The following FGF4 variants were observed in gnomAD, a reference collection of about 807,000 sequenced individuals.
FGF4 encodes the protein fibroblast growth factor 4, also known as heparin secretory transforming protein 1.
Under a neutral mutation model 15.7 loss-of-function variants are expected in FGF4, and 9 were observed. The observed-to-expected ratio is 0.57, with a 90% CI of 0.35 to 1.00. The LOEUF (loss-of-function observed/expected upper bound fraction) is 1.00. Among genes scored for constraint, FGF4 ranks in the 50% least tolerant of loss-of-function variants. The pLI, the probability that FGF4 is intolerant of heterozygous loss-of-function variation, is 0.02. For missense variants in FGF4, 286 were observed against 297.3 expected (o/e 0.96, Z 0.28); for synonymous variants, 164 against 144.8 (o/e 1.13, Z -0.95).
In FGF4 at chr11:69,775,073, G is replaced by T; in HGVS notation, c.12C>A (p.Pro4=). 1.5e-6 allele frequency: 2 copies of T among 1,334,890 alleles called. No homozygotes were observed. Among genetic ancestry groups the T allele is most frequent in the Non-Finnish European group, 1.9e-6 (2 of 1,052,504 alleles). 82.7% of individuals were successfully genotyped at this position (1,334,890 alleles called of 1,614,324 possible). MSG[P]GTAAVALLPA... ...GGAGCAGCGCTACCGCGGCCGTCCC[G>T]GGCCCCGACATCCCGGCCCGAGGGC... is the stretch of plus-strand genomic sequence containing the variant. Residue 4 remains proline (P), a synonymous_variant, in exon 1 of 3, where the codon CCC becomes CCA. Coordinates refer to ENST00000168712, the MANE Select transcript of FGF4 (RefSeq NM_002007.4).
chr11:69,772,069 A>ACC lies in FGF4; in HGVS notation c.*1238_*1239dup, dbSNP rs1855577591. ...GTCTGCAAATATTTTCACCATGATC[A>ACC]CCCTTACTAAAAGTAAATCACAGGG... On this transcript the variant is annotated 3_prime_UTR_variant, in exon 3 of 3. Coordinates refer to ENST00000168712, the MANE Select transcript of FGF4 (RefSeq NM_002007.4). The ACC allele has an allele frequency of 6.6e-6, 1 of 152,142 alleles. No homozygotes were observed. Among genetic ancestry groups the ACC allele is most frequent in the South Asian group, 2.1e-4 (1 of 4,826 alleles). 9.4% of individuals were successfully genotyped at this position (152,142 alleles called of 1,614,324 possible).
In FGF4 at chr11:69,772,070, C is replaced by A. The variant is rs1463337523; in HGVS notation, c.*1239G>T. 1 of 152,146 alleles carries A rather than the reference C, an allele frequency of 6.6e-6. No individual in the cohort carries two copies. The highest frequency in any genetic ancestry group is 6.5e-5 in the Admixed American group (1 of 15,278). The allele number at this position is 152,146 out of a possible 1,614,324, so 9.4% of individuals were successfully genotyped here. On this transcript the variant is annotated 3_prime_UTR_variant, in exon 3 of 3. Coordinates refer to ENST00000168712, the MANE Select transcript of FGF4 (RefSeq NM_002007.4). ...TCTGCAAATATTTTCACCATGATCA[C>A]CCTTACTAAAAGTAAATCACAGGGT...
Position 69,773,494 on chromosome 11 carries a change from A to C in FGF4, c.445-9T>G. The stretch of plus-strand genomic sequence containing the variant: ...TCATCGGTGAAGAAGGGCTGCAGCA[A>C]AGCAGGGCAGTGTCAGGGCTGGGGC... On this transcript the variant is annotated splice_polypyrimidine_tract_variant and intron_variant, in intron 2 of 2. Transcript: ENST00000168712. The C allele has an allele frequency of 1.2e-6, 2 of 1,613,704 alleles. No individual in the cohort carries two copies. The highest frequency in any genetic ancestry group is 1.7e-6 in the Non-Finnish European group (2 of 1,179,690).
At chr11:69,774,670 AGT>A in intron 1 of FGF4, 73 bp downstream of exon 1, 1 of 1,189,426 alleles carries the variant, frequency 8.4e-7, no homozygotes, top group Middle Eastern at 3.0e-4. Context: ...AGGGTCTCAG[AGT>A]GTGACTGAGC....
In FGF4 at chr11:69,772,801, G is replaced by A. The variant is rs1227064327; in HGVS notation, c.*508C>T. 1 of 168,058 alleles carries A rather than the reference G, an allele frequency of 6.0e-6. No individual in the cohort carries two copies. 10.4% of individuals were successfully genotyped at this position (168,058 alleles called of 1,614,324 possible). On this transcript the variant is annotated 3_prime_UTR_variant, in exon 3 of 3. Coordinates refer to ENST00000168712, the MANE Select transcript of FGF4 (RefSeq NM_002007.4). ...CTTCAACACCGCACTTTCTGTACCC[G>A]AAGTAAACCGATATGTCCCGATTAA...
chr11:69,773,227 T>C lies in FGF4; in HGVS notation c.*82A>G, dbSNP rs1855593922. The C allele has an allele frequency of 8.7e-7, 1 of 1,149,372 alleles. No individual in the cohort carries two copies. The highest frequency in any genetic ancestry group is 2.0e-5 in the Admixed American group (1 of 49,148). The allele number at this position is 1,149,372 out of a possible 1,614,324, so 71.2% of individuals were successfully genotyped here. ...ACCTACTCTTGCATTAAACTCTTCA[T>C]CCGAAGAAAGTGCACCAAGGTGACC... is the stretch of plus-strand genomic sequence containing the variant. On this transcript the variant is annotated 3_prime_UTR_variant, in exon 3 of 3. Transcript: ENST00000168712.
chr11:69,773,029 A>C lies in FGF4; in HGVS notation c.*280T>G, dbSNP rs1855590677. On this transcript the variant is annotated 3_prime_UTR_variant, in exon 3 of 3. Transcript: ENST00000168712. ...AGCAGCACACTCGTGACAACTTTTG[A>C]CAAGTTAAAGAAATCCAATGGTAAG... The C allele has an allele frequency of 2.6e-6, 1 of 386,652 alleles. No homozygotes were observed. Among genetic ancestry groups the C allele is most frequent in the Non-Finnish European group, 4.7e-6 (1 of 214,552 alleles). 24.0% of individuals were successfully genotyped at this position (386,652 alleles called of 1,614,324 possible).
Position 69,775,127 on chromosome 11 carries a change from C to G in FGF4, c.-43G>C, listed in dbSNP as rs2119834309. ...GCGTCGGTCAGGCGGTCAGTGCGCC[C>G]GGGAAGCTGGGGGGCAGAGCTGCGC... On this transcript the variant is annotated 5_prime_UTR_variant, in exon 1 of 3. Transcript: ENST00000168712. The G allele has an allele frequency of 8.2e-7, 1 of 1,223,640 alleles. No homozygotes were observed. 75.8% of individuals were successfully genotyped at this position (1,223,640 alleles called of 1,614,324 possible). A position where few individuals can be genotyped will look rare whatever the true frequency, so the allele number is the denominator to read the frequency against.
intron 1 of FGF4, among the ~76,000 whole-genome samples, chr11:69,774,538 C>G (rs369850390): frequency 3.9e-5 from 6 of 152,186 alleles, no homozygotes; most frequent in East Asian, 1.9e-4. Flanking sequence ...AGGCGGCGCC[C>G]GACCTCAGGG....
At position 69,774,940 on chromosome 11, in the gene FGF4, T is replaced by C. The variant is rs2119833120; in HGVS notation, c.145A>G (p.Ser49Gly). Residue 49 changes from serine (S) to glycine (G), a missense_variant, in exon 1 of 3, where the codon AGC becomes GGC. Physicochemically the swap from Ser to Gly is moderately conservative, Grantham distance 56. Transcript: ENST00000168712. ...LEAELERRWE[S>G]LVALSLARLP... is the part of the protein sequence containing the mutation. ...CGCGCCAACGAGAGCGCCACCAGGC[T>C]CTCCCAGCGGCGCTCCAGCTCGGCC... 1 of 1,478,792 alleles carries C rather than the reference T, an allele frequency of 6.8e-7. No individual in the cohort carries two copies. The highest frequency in any genetic ancestry group is 8.9e-7 in the Non-Finnish European group (1 of 1,122,416). The allele number at this position is 1,478,792 out of a possible 1,614,324, so 91.6% of individuals were successfully genotyped here.
rs1855623614 is a variant in FGF4 at position 69,775,000 on chromosome 11, C to T, written c.85G>A (p.Ala29Thr). 1 of 1,452,692 alleles carries T rather than the reference C, an allele frequency of 6.9e-7. No homozygotes were observed. Among genetic ancestry groups the T allele is most frequent in the South Asian group, 1.3e-5 (1 of 74,782 alleles). 90.0% of individuals were successfully genotyped at this position (1,452,692 alleles called of 1,614,324 possible). A position where few individuals can be genotyped will look rare whatever the true frequency, so the allele number is the denominator to read the frequency against. ...LLAPWAGRGG[A>T]AAPTAPNGTL... ...CCGTTGGGTGCAGTGGGTGCGGCGG[C>T]GCCCCCTCGGCCCGCCCAGGGCGCC... The change falls in exon 1 of 3, where the codon GCC becomes ACC. Residue 29 changes from alanine to threonine, a missense_variant. By Grantham distance (58) the Ala-to-Thr change is moderately conservative. Transcript: ENST00000168712.
rs1212144067 is a variant in FGF4 at position 69,775,205 on chromosome 11, G to A, written c.-121C>T. 6.3e-6 allele frequency: 4 copies of A among 634,904 alleles called. No homozygotes were observed. The highest frequency in any genetic ancestry group is 3.8e-5 in the African/African-American group (2 of 52,438). 39.3% of individuals were successfully genotyped at this position (634,904 alleles called of 1,614,324 possible). ...CGACCTCGGGCAGGAGTGCGCAACC[G>A]AGGAGGTGCGGGAGGCAAGCGACGG... is the stretch of plus-strand genomic sequence containing the variant. On this transcript the variant is annotated 5_prime_UTR_variant, in exon 1 of 3. Transcript: ENST00000168712.
Position 69,774,863 on chromosome 11 carries a change from G to T in FGF4, c.222C>A (p.Gly74=), listed in dbSNP as rs753226440. ...PKEAAVQSGA[G]DYLLGIKRLR... Reference sequence around the variant, plus strand: ...GCCGCTTGATGCCCAGCAGGTAGTCGCCGGCGCCGCTCTGGACGGCCGCCT... The same window carrying T: ...GCCGCTTGATGCCCAGCAGGTAGTCTCCGGCGCCGCTCTGGACGGCCGCCT... Residue 74 remains glycine (G), a synonymous_variant, in exon 1 of 3, where the codon GGC becomes GGA. Transcript: ENST00000168712. 5 of 1,507,280 alleles carry T rather than the reference G, an allele frequency of 3.3e-6. No homozygotes were observed. Among genetic ancestry groups the T allele is most frequent in the Non-Finnish European group, 4.4e-6 (5 of 1,135,888 alleles). 93.4% of individuals were successfully genotyped at this position (1,507,280 alleles called of 1,614,324 possible).
intron 1 of FGF4, 126 bp downstream of exon 1, chr11:69,774,619 G>C (rs1855616109): frequency 3.0e-6 from 2 of 660,614 alleles, no homozygotes; most frequent in African/African-American, 3.9e-5. Context: ...CGGAGCCCGA[G>C]TCCGCCCCGG....
rs1855591654 is a variant in FGF4, at chr11:69,773,111, C to T, written c.*198G>A. The T allele has an allele frequency of 2.1e-6, 1 of 465,144 alleles. No homozygotes were observed. 28.8% of individuals were successfully genotyped at this position (465,144 alleles called of 1,614,324 possible). A position where few individuals can be genotyped will look rare whatever the true frequency, so the allele number is the denominator to read the frequency against. On this transcript the variant is annotated 3_prime_UTR_variant, in exon 3 of 3. Transcript: ENST00000168712. The stretch of plus-strand genomic sequence containing the variant: ...TTGGTTTTTTGTTTTGTCTTTTTTT[C>T]CCCCCAGAAAATTAAAAAACACACC...
chr11:69,775,185 T>C lies in FGF4; in HGVS notation c.-101A>G, dbSNP rs902462476. Reference sequence around the variant, plus strand: ...GTCCCGCGGGAGCGCACGGCCGACCTCGGGCAGGAGTGCGCAACCGAGGAG... The same window carrying C: ...GTCCCGCGGGAGCGCACGGCCGACCCCGGGCAGGAGTGCGCAACCGAGGAG... On this transcript the variant is annotated 5_prime_UTR_variant, in exon 1 of 3. Coordinates refer to ENST00000168712, the MANE Select transcript of FGF4 (RefSeq NM_002007.4). 8.3e-6 allele frequency: 7 copies of C among 846,122 alleles called. No individual in the cohort carries two copies. In the East Asian group the frequency reaches 1.7e-4, roughly 21 times the overall value. 52.4% of individuals were successfully genotyped at this position (846,122 alleles called of 1,614,324 possible).
intron 1 of FGF4, 97 bp from the exon 2 acceptor site, chr11:69,774,224 G>A: frequency 2.9e-6 from 3 of 1,032,932 alleles, no homozygotes; most frequent in South Asian, 3.0e-5. Context: ...CTGGGGTGGG[G>A]TTGGGGATAA....
Position 69,775,330 on chromosome 11 carries a change from C to A in FGF4, c.-246G>T. On this transcript the variant is annotated 5_prime_UTR_variant, in exon 1 of 3. Transcript: ENST00000168712. ...GACTCTGAGGAGCAGTGCGCGCCTCCCTGAGCGCCAGGCCCGCCCGAGGCC... is the reference window on the plus strand; with the variant it reads ...GACTCTGAGGAGCAGTGCGCGCCTCACTGAGCGCCAGGCCCGCCCGAGGCC... 2.8e-6 allele frequency: 1 copy of A among 360,792 alleles called. No individual in the cohort carries two copies. The highest frequency in any genetic ancestry group is 5.0e-6 in the Non-Finnish European group (1 of 201,794). 22.3% of individuals were successfully genotyped at this position (360,792 alleles called of 1,614,324 possible).
intron 1 of FGF4, among the ~76,000 whole-genome samples, 191 bp from the exon 2 acceptor site, chr11:69,774,318 G>GCTAGCTCAGATTAGCTTGC (rs1855612236): frequency 6.6e-6 from 1 of 152,210 alleles, no homozygotes; most frequent in African/African-American, 2.4e-5. Context: ...CCAAGCCTGC[G>GCTAGCTCAGATTAGCTTGC]CTAGCTCAGA....
Sources: gnomAD v4.1 joint callset for allele counts (sites outside exome capture counted in the v4.1 genomes callset) on GRCh38, gnomAD v4.1.1 for gene constraint, MANE v1.5 for transcripts, NCBI Gene and HGNC (gene_info 2026-07-23, HGNC 2026-07-21) for gene names.